CDH17: variants seen among roughly 807,000 people sequenced by gnomAD.
CDH17 encodes cadherin-17.
CDH17 carries 67 observed loss-of-function variants against 86.3 expected under a neutral mutation model. That is an observed-to-expected ratio of 0.78 (90% CI 0.64 to 0.95). The LOEUF is 0.95. Among genes scored for constraint, CDH17 ranks in the 40% least tolerant of loss-of-function variants. The pLI is 0.00. For synonymous variants in CDH17, 367 were observed against 366.4 expected, an observed-to-expected ratio of 1.00 and a Z score of -0.02; for missense variants, 993 against 1,017.6, an observed-to-expected ratio of 0.98 and a Z score of 0.33.
At chr8:94,151,839 C>T in intron 13 of CDH17, 29 bp downstream of exon 13, 1 of 1,612,840 alleles carries the variant, frequency 6.2e-7, no homozygotes, top group Middle Eastern at 1.7e-4. Context: ...ACCACGCAGC[C>T]AGGCCTGCCC....
At chr8:94,193,939 TAAA>T (rs5893268) in intron 2 of CDH17, among the ~76,000 whole-genome samples, 63 of 146,718 alleles carry the variant, frequency 4.3e-4, no homozygotes, top group Admixed American at 4.1e-4. Flanking sequence ...CTTCCTTCTT[TAAA>T]AAAAAAAAAA....
intron 15 of CDH17, among the ~76,000 whole-genome samples, chr8:94,142,172 C>T (rs1055794898): frequency 2.0e-5 from 3 of 152,186 alleles, no homozygotes; most frequent in Non-Finnish European, 2.9e-5. Context: ...GTCTTTACCA[C>T]ACCCCCTATG....
chr8:94,150,760 A>G (rs1368550891), intron 13 of CDH17, among the ~76,000 whole-genome samples: 2 of 152,126 alleles, frequency 1.3e-5, no homozygotes, highest in African/African-American at 2.4e-5. Flanking sequence ...TCTTTGACCA[A>G]TGGTTTTTAT....
In CDH17 at chr8:94,165,757, TA is replaced by T; in HGVS notation, c.1282+3del. 1 of 1,595,862 alleles carries T rather than the reference TA, an allele frequency of 6.3e-7. No individual in the cohort carries two copies. Among genetic ancestry groups the T allele is most frequent in the Non-Finnish European group, 8.6e-7 (1 of 1,163,378 alleles). The stretch of plus-strand genomic sequence containing the variant: ...GCACTCAAGACGGTGGATATGATAC[TA>T]ACCTTTGTCAGACACCTCTATCGTT... On this transcript the variant is annotated splice_donor_region_variant and intron_variant, in intron 10 of 17. Transcript: ENST00000027335.
rs1814072763 is a variant in CDH17, at chr8:94,208,551, C to T, written c.-89G>A. 6.6e-6 allele frequency: 1 copy of T among 152,184 alleles called. No individual in the cohort carries two copies. The highest frequency in any genetic ancestry group is 2.4e-5 in the African/African-American group (1 of 41,426). The allele number at this position is 152,184 out of a possible 1,614,324, so 9.4% of individuals were successfully genotyped here. On this transcript the variant is annotated 5_prime_UTR_variant, in exon 1 of 18. Transcript: ENST00000027335. ...CATTCAGTGGTCGAGACTCTTGCTA[C>T]GACTGGAGTATCTCCCCCGGGAACA... is the stretch of plus-strand genomic sequence containing the variant.
chr8:94,202,904 A>G (rs1813947680), intron 1 of CDH17: 2 of 281,696 alleles, frequency 7.1e-6, no homozygotes, highest in South Asian at 7.5e-5. Context: ...ATATCTGCCA[A>G]TTCCTCCAAT....
intron 15 of CDH17, among the ~76,000 whole-genome samples, chr8:94,134,979 G>C (rs550866189): frequency 1.3e-5 from 2 of 152,120 alleles, no homozygotes; most frequent in South Asian, 2.1e-4. Context: ...TTTTGAGTGA[G>C]TTTTTGTCCT....
At chr8:94,153,958 T>C (rs918520717) in intron 12 of CDH17, among the ~76,000 whole-genome samples, 9 of 152,186 alleles carry the variant, frequency 5.9e-5, no homozygotes, top group African/African-American at 1.9e-4. Context: ...GTTTAAAATA[T>C]CTATTTTACA....
chr8:94,215,183 A>G (rs1269093417), intron 1 of CDH17, among the ~76,000 whole-genome samples: 1 of 152,244 alleles, frequency 6.6e-6, no homozygotes, highest in African/African-American at 2.4e-5. Context: ...AAAAACTTGT[A>G]CACAAATATT....
intron 3 of CDH17, among the ~76,000 whole-genome samples, chr8:94,185,280 C>CAT (rs1473075773): frequency 4.0e-5 from 3 of 75,234 alleles, no homozygotes; most frequent in Admixed American, 3.9e-4. Flanking sequence ...CCCCAATACA[C>CAT]ACACACACAC....
chr8:94,128,314 G>A lies in CDH17; in HGVS notation c.2425C>T (p.Arg809Cys), dbSNP rs375914501. 91 of 1,611,798 alleles carry A rather than the reference G, an allele frequency of 5.6e-5. No homozygotes were observed. The highest frequency in any genetic ancestry group is 8.9e-5 in the East Asian group (4 of 44,836). The change falls in exon 18 of 18, where the codon CGC becomes TGC. Residue 809 changes from arginine (R) to cysteine (C), a missense_variant. Physicochemically the swap from Arg to Cys is radical, Grantham distance 180. Coordinates refer to ENST00000027335, the MANE Select transcript of CDH17 (RefSeq NM_004063.4). ...TCTTTGCCTTTATCCTTCTTTATGCGGATAAACACAACTGCTAAAATTATA... is the reference window on the plus strand; with the variant it reads ...TCTTTGCCTTTATCCTTCTTTATGCAGATAAACACAACTGCTAAAATTATA... ...IGIILAVVFI[R>C]IKKDKGKDNV... is the part of the protein sequence containing the mutation.
In CDH17 at chr8:94,138,808, C is replaced by T. The variant is rs952455515; in HGVS notation, c.2167+7120G>A. ...CACCTCACAAGTTTGAAAACATTAG[C>T]CCTAGAATAAATGCTGCCCTGGCCC... On this transcript the variant is annotated intron_variant, in intron 15 of 17. Coordinates refer to ENST00000027335, the MANE Select transcript of CDH17 (RefSeq NM_004063.4). Among the ~76,000 whole-genome samples, 6 of 152,220 alleles carry T rather than the reference C, an allele frequency of 3.9e-5. No individual in the cohort carries two copies. The South Asian group carries it at 1.2e-3, about 32-fold the overall frequency.
At chr8:94,129,859 C>T (rs1357524488) in intron 17 of CDH17, among the ~76,000 whole-genome samples, 2 of 152,108 alleles carry the variant, frequency 1.3e-5, no homozygotes, top group South Asian at 2.1e-4. Flanking sequence ...CTTCAGACTA[C>T]GTGTATAAAA....
chr8:94,201,150 G>T (rs1020745970), intron 1 of CDH17, among the ~76,000 whole-genome samples: 2 of 152,048 alleles, frequency 1.3e-5, no homozygotes, highest in Admixed American at 1.3e-4. Flanking sequence ...GACATGACCT[G>T]CCCCGACCTG....
chr8:94,148,591 A>G (rs933098874), intron 14 of CDH17, among the ~76,000 whole-genome samples, 153 bp downstream of exon 14: 15 of 142,464 alleles, frequency 1.1e-4, no homozygotes, highest in African/African-American at 3.8e-4. Context: ...GCACTCCCTT[A>G]TATTTTGTAC....
intron 12 of CDH17, among the ~76,000 whole-genome samples, chr8:94,153,872 G>A (rs941386283): frequency 1.4e-4 from 21 of 152,180 alleles, no homozygotes; most frequent in African/African-American, 5.1e-4. Flanking sequence ...TAGAATGTTG[G>A]TTACCAGGAG....
At chr8:94,195,543 CA>C (rs1234063645) in intron 1 of CDH17, among the ~76,000 whole-genome samples, 10 of 152,074 alleles carry the variant, frequency 6.6e-5, no homozygotes, top group Admixed American at 3.9e-4. Context: ...AGAGATCAAA[CA>C]AAAATCTGAA....
At chr8:94,167,893 A>G (rs1405607461) in intron 9 of CDH17, among the ~76,000 whole-genome samples, 2 of 151,910 alleles carry the variant, frequency 1.3e-5, no homozygotes, top group Non-Finnish European at 2.9e-5. Context: ...GTGGAGCTCA[A>G]ACTGATACAG....
At chr8:94,139,914 G>T (rs1409077760) in intron 15 of CDH17, among the ~76,000 whole-genome samples, 1 of 151,828 alleles carries the variant, frequency 6.6e-6, no homozygotes, top group African/African-American at 2.4e-5. Context: ...AAAAAAAAAG[G>T]GGGGGTGGTG....
Sources: gnomAD v4.1 joint callset for allele counts (sites outside exome capture counted in the v4.1 genomes callset) on GRCh38, gnomAD v4.1.1 for gene constraint, MANE v1.5 for transcripts, NCBI Gene and HGNC (gene_info 2026-07-23, HGNC 2026-07-21) for gene names.